Variants in EBF1 observed in about 807,000 individuals in gnomAD.
The protein encoded by EBF1 is transcription factor COE1.
In EBF1, 10 loss-of-function variants were observed where a neutral mutation model predicts 68.4. The observed-to-expected ratio is 0.15, with a 90% CI of 0.09 to 0.25. The LOEUF (loss-of-function observed/expected upper bound fraction) is 0.25, where lower values mean the gene tolerates loss of function less well. Ranked by LOEUF, EBF1 falls within the 10% of genes least tolerant of loss-of-function variation. The probability of loss-of-function intolerance (pLI) is 1.00; values close to 1 mark genes in which losing one functional copy is unlikely to be tolerated. For missense variants in EBF1, 509 were observed against 794.4 expected, an observed-to-expected ratio of 0.64 and a Z score of 4.32; for synonymous variants, 298 against 299.8, an observed-to-expected ratio of 0.99 and a Z score of 0.06.
At chr5:158,915,572 G>A (rs900566147) in intron 6 of EBF1, among the ~76,000 whole-genome samples, 3 of 152,144 alleles carry the variant, frequency 2.0e-5, no homozygotes, top group Admixed American at 6.5e-5. Context: ...TAAAGCAATC[G>A]GGGTGGGGGG....
intron 10 of EBF1, among the ~76,000 whole-genome samples, chr5:158,733,331 A>T (rs1445337605): frequency 6.6e-6 from 1 of 152,210 alleles, no homozygotes; most frequent in African/African-American, 2.4e-5. Context: ...TCAGTCTAAG[A>T]TACCAGTAAA....
chr5:158,958,435 C>T (rs965311711), intron 6 of EBF1, among the ~76,000 whole-genome samples: 6 of 152,004 alleles, frequency 3.9e-5, no homozygotes, highest in African/African-American at 4.8e-5. Context: ...AGTGAGGTTC[C>T]GATCACAGAG....
At chr5:158,922,212 A>G (rs1036027568) in intron 6 of EBF1, among the ~76,000 whole-genome samples, 1 of 152,210 alleles carries the variant, frequency 6.6e-6, no homozygotes, top group African/African-American at 2.4e-5. Flanking sequence ...TCTGTCCTTG[A>G]CATTGTGCAG....
rs1281252649 is a variant in EBF1, at chr5:159,095,659, C to G, written c.372G>C (p.Gln124His). The change falls in exon 4 of 16, where the codon CAG becomes CAC. Residue 124 changes from glutamine (Q) to histidine (H), a missense_variant. This residue lies in a region of EBF1 where 230 missense variants were observed against 467.7 expected (regional missense o/e 0.49). Transcript: ENST00000313708. The stretch of plus-strand genomic sequence containing the variant: ...AGTCAATGAGGCGCACGTAGAAATC[C>G]TGCTCCGTCCTTATCCCTAGGGTTG... ...LLYSNGIRTE[Q>H]DFYVRLIDSM... is the part of the protein sequence containing the mutation. The G allele has an allele frequency of 6.8e-6, 11 of 1,614,062 alleles. No homozygotes were observed. Among genetic ancestry groups the G allele is most frequent in the Non-Finnish European group, 9.3e-6 (11 of 1,179,938 alleles).
At chr5:158,984,323 C>T (rs374326159) in intron 6 of EBF1, among the ~76,000 whole-genome samples, 3 of 152,308 alleles carry the variant, frequency 2.0e-5, no homozygotes, top group Admixed American at 6.5e-5. Flanking sequence ...TTTCTCAAGT[C>T]TCTTGTTCAA....
At chr5:158,785,539 C>T (rs1777255013) in intron 9 of EBF1, among the ~76,000 whole-genome samples, 1 of 152,136 alleles carries the variant, frequency 6.6e-6, no homozygotes, top group East Asian at 1.9e-4. Context: ...CAAGAATTGC[C>T]TGTCTCAAAA....
At chr5:158,833,634 G>C (rs1466557077) in intron 7 of EBF1, among the ~76,000 whole-genome samples, 2 of 152,140 alleles carry the variant, frequency 1.3e-5, no homozygotes, top group Non-Finnish European at 2.9e-5. Context: ...TCCCATCAGA[G>C]GACTGGATAA....
intron 5 of EBF1, among the ~76,000 whole-genome samples, chr5:159,077,039 T>C (rs78625190): frequency 0.044 from 6,752 of 152,250 alleles, 308 homozygotes; most frequent in African/African-American, 0.12. Flanking sequence ...AATGAAAGCA[T>C]GAAAGAGTGA....
chr5:158,747,388 G>C (rs534040751), intron 10 of EBF1, among the ~76,000 whole-genome samples: 19 of 152,248 alleles, frequency 1.2e-4, no homozygotes, highest in African/African-American at 4.3e-4. Flanking sequence ...GCTAGTCTTG[G>C]GTGAAGGATT....
At chr5:158,944,316 G>A (rs1418233846) in intron 6 of EBF1, among the ~76,000 whole-genome samples, 1 of 152,102 alleles carries the variant, frequency 6.6e-6, no homozygotes, top group African/African-American at 2.4e-5. Context: ...AGAACATGCA[G>A]TGTTTGCTTT....
chr5:158,877,108 A>G (rs1797953367), intron 6 of EBF1, among the ~76,000 whole-genome samples: 1 of 152,094 alleles, frequency 6.6e-6, no homozygotes, highest in South Asian at 2.1e-4. Flanking sequence ...TCCTTTTCCT[A>G]CTGCACCCAG....
intron 6 of EBF1, among the ~76,000 whole-genome samples, chr5:159,063,475 T>C (rs1464583958): frequency 1.3e-5 from 2 of 152,230 alleles, no homozygotes; most frequent in Non-Finnish European, 2.9e-5. Flanking sequence ...TATATCAATA[T>C]ATTCTTTGTT....
intron 6 of EBF1, among the ~76,000 whole-genome samples, chr5:158,997,442 C>T (rs960659386): frequency 2.0e-5 from 3 of 152,136 alleles, no homozygotes; most frequent in South Asian, 4.2e-4. Flanking sequence ...AATCCACATA[C>T]ATAGAGTTGT....
intron 9 of EBF1, among the ~76,000 whole-genome samples, chr5:158,778,789 C>G (rs1775822809): frequency 6.6e-6 from 1 of 152,100 alleles, no homozygotes; most frequent in African/African-American, 2.4e-5. Context: ...GCATAAAAAC[C>G]ATTTTAACTT....
At position 158,730,162 on chromosome 5, in the gene EBF1, T is replaced by C. The variant is rs75474071; in HGVS notation, c.1125+907A>G. ...ATTTAATGTTAATAGTTTTCACTTG[T>C]GTAATAAATGAAGCTTTTTGCCGTC... On this transcript the variant is annotated intron_variant, in intron 11 of 15. Coordinates refer to ENST00000313708, the MANE Select transcript of EBF1 (RefSeq NM_024007.5). Among the ~76,000 whole-genome samples, 450 of 152,376 alleles carry C rather than the reference T, an allele frequency of 3.0e-3. 3 individuals carry two copies. The highest frequency in any genetic ancestry group is 0.01 in the African/African-American group (432 of 41,588).
chr5:158,851,722 AAGAAAGGAAGGGAAG>A (rs1402544658), intron 6 of EBF1, among the ~76,000 whole-genome samples: 1 of 94,462 alleles, frequency 1.1e-5, no homozygotes, highest in Non-Finnish European at 2.3e-5. Context: ...AAGGGAAGGA[AAGAAAGGAAGGGAAG>A]AGAAAGGAAG....
At chr5:159,008,849 T>C (rs1764092331) in intron 6 of EBF1, among the ~76,000 whole-genome samples, 1 of 152,192 alleles carries the variant, frequency 6.6e-6, no homozygotes, top group African/African-American at 2.4e-5. Context: ...AACATTTTCA[T>C]ATTTTCCAAG....
intron 6 of EBF1, among the ~76,000 whole-genome samples, chr5:158,945,422 T>C: frequency 6.6e-6 from 1 of 152,190 alleles, no homozygotes; most frequent in East Asian, 1.9e-4. Context: ...TTCTGTTCCA[T>C]TGGTCTATAT....
At chr5:158,828,468 G>A (rs1786710759) in intron 7 of EBF1, among the ~76,000 whole-genome samples, 1 of 152,184 alleles carries the variant, frequency 6.6e-6, no homozygotes, top group Admixed American at 6.5e-5. Flanking sequence ...GACAAGATGA[G>A]GGATCCTTGT....
Sources: allele counts gnomAD v4.1 joint callset (sites outside exome capture counted in the v4.1 genomes callset), GRCh38; gene constraint gnomAD v4.1.1; regional missense constraint gnomAD v4.1.1; transcripts MANE v1.5; gene names NCBI Gene and HGNC (gene_info 2026-07-23, HGNC 2026-07-21).